The following CSMD1 variants were observed in gnomAD, a reference collection of about 807,000 sequenced individuals.
CSMD1 encodes CUB and sushi domain-containing protein 1.
A neutral mutation model predicts 417.5 loss-of-function variants in CSMD1; 213 were observed. That is an observed-to-expected ratio of 0.51 (90% CI 0.46 to 0.57). The LOEUF (loss-of-function observed/expected upper bound fraction) is 0.57. CSMD1 is among the 20% of genes least tolerant of loss of function. The pLI is 0.00. For missense variants in CSMD1, 6,923 were observed against 4,529.7 expected (o/e 1.53, Z -15.17); for synonymous variants, 2,862 against 1,736.8 (o/e 1.65, Z -16.11).
At chr8:3,030,273 A>G (rs1303439178) in intron 50 of CSMD1, among the ~76,000 whole-genome samples, 1 of 151,986 alleles carries the variant, frequency 6.6e-6, no homozygotes, top group Non-Finnish European at 1.5e-5. Flanking sequence ...TATTCTTTGA[A>G]AAGTGCAAGA....
chr8:3,028,563 G>C (rs572907308), intron 51 of CSMD1, among the ~76,000 whole-genome samples: 30 of 152,284 alleles, frequency 2.0e-4, no homozygotes, highest in African/African-American at 6.7e-4. Flanking sequence ...ATTTATCTTT[G>C]TGTTCCTGGT....
At chr8:4,291,757 A>G (rs1797380235) in intron 3 of CSMD1, among the ~76,000 whole-genome samples, 1 of 152,250 alleles carries the variant, frequency 6.6e-6, no homozygotes. Flanking sequence ...AAAGAATATT[A>G]GGCTAACTAG....
In CSMD1 at chr8:4,884,153, G is replaced by C. The variant is rs149527307; in HGVS notation, c.85+110179C>G. On this transcript the variant is annotated intron_variant, in intron 1 of 69. Transcript: ENST00000635120. ...GGATCAATGTCTATTCACACCTTTT[G>C]CTTCTTTTAAAAAATTTGGTTGCCT... Among the ~76,000 whole-genome samples, 294 of 151,948 alleles carry C rather than the reference G, an allele frequency of 1.9e-3. 6 individuals are homozygous for C. The East Asian group carries it at 0.046, about 24-fold the overall frequency.
intron 1 of CSMD1, among the ~76,000 whole-genome samples, chr8:4,655,981 G>C (rs1804204507): frequency 6.6e-6 from 1 of 151,974 alleles, no homozygotes; most frequent in African/African-American, 2.4e-5. Context: ...GCAGAGGGTT[G>C]GACAATAAAA....
chr8:4,299,342 G>T (rs1305726179), intron 3 of CSMD1, among the ~76,000 whole-genome samples: 2 of 152,070 alleles, frequency 1.3e-5, no homozygotes, highest in East Asian at 1.9e-4. Context: ...TCCAAGAGGG[G>T]GTTTTTACTT....
At chr8:4,770,683 A>C (rs1268714008) in intron 1 of CSMD1, among the ~76,000 whole-genome samples, 1 of 151,700 alleles carries the variant, frequency 6.6e-6, no homozygotes, top group Admixed American at 6.6e-5. Flanking sequence ...CTAATTTTCA[A>C]CAAGAGTACA....
At chr8:3,419,259 C>A (rs1203124629) in intron 12 of CSMD1, among the ~76,000 whole-genome samples, 2 of 152,192 alleles carry the variant, frequency 1.3e-5, no homozygotes, top group South Asian at 2.1e-4. Flanking sequence ...TCTGCACCAA[C>A]CAGATGCTCC....
At chr8:4,993,257 C>G (rs1035329322) in intron 1 of CSMD1, among the ~76,000 whole-genome samples, 4 of 152,034 alleles carry the variant, frequency 2.6e-5, no homozygotes, top group South Asian at 2.1e-4. Flanking sequence ...AAAGAAAAAC[C>G]CTTTGTAGAT....
rs536301418 is a variant in CSMD1, at chr8:3,510,387, C to A, written c.1345-16661G>T. On this transcript the variant is annotated intron_variant, in intron 10 of 69. Coordinates refer to ENST00000635120, the MANE Select transcript of CSMD1 (RefSeq NM_033225.6). ...AGAAAGCACATGGGTACTTGAAGTC[C>A]AAATGTCTTTTGAGCGCAGGCTCTG... Among the ~76,000 whole-genome samples the A allele has an allele frequency of 3.3e-5, 5 of 151,908 alleles. No individual in the cohort carries two copies. In the South Asian group the frequency reaches 6.2e-4, roughly 19 times the overall value.
At chr8:3,622,595 A>C (rs1487263268) in intron 7 of CSMD1, among the ~76,000 whole-genome samples, 1 of 152,242 alleles carries the variant, frequency 6.6e-6, no homozygotes, top group East Asian at 1.9e-4. Context: ...AATTCTGTGA[A>C]GGCGCAAAAT....
chr8:4,303,633 C>G (rs1264649128), intron 3 of CSMD1, among the ~76,000 whole-genome samples: 1 of 151,822 alleles, frequency 6.6e-6, no homozygotes, highest in Non-Finnish European at 1.5e-5. Flanking sequence ...CCAGAGGTGA[C>G]TGGGAAGTTT....
chr8:2,977,919 G>C (rs1245274812), intron 55 of CSMD1, among the ~76,000 whole-genome samples: 1 of 152,140 alleles, frequency 6.6e-6, no homozygotes, highest in Non-Finnish European at 1.5e-5. Flanking sequence ...AAAAAGTCAA[G>C]AAACAACAGA....
intron 23 of CSMD1, among the ~76,000 whole-genome samples, chr8:3,321,941 A>C (rs1806180201): frequency 6.6e-6 from 1 of 152,234 alleles, no homozygotes; most frequent in Non-Finnish European, 1.5e-5. Flanking sequence ...ATTATTTAGC[A>C]AACCTAAAAT....
chr8:3,967,688 C>G (rs1239476278), intron 5 of CSMD1, among the ~76,000 whole-genome samples: 1 of 152,008 alleles, frequency 6.6e-6, no homozygotes, highest in Non-Finnish European at 1.5e-5. Flanking sequence ...CTGGGGTGAG[C>G]TTCAAAGGGA....
chr8:2,969,641 C>G (rs1479989879), intron 57 of CSMD1, among the ~76,000 whole-genome samples: 1 of 152,132 alleles, frequency 6.6e-6, no homozygotes, highest in African/African-American at 2.4e-5. Context: ...GGGGATTAGT[C>G]AAGTCATAGC....
chr8:4,922,491 A>G (rs1192442681), intron 1 of CSMD1, among the ~76,000 whole-genome samples: 1 of 152,208 alleles, frequency 6.6e-6, no homozygotes, highest in Non-Finnish European at 1.5e-5. Flanking sequence ...TATTCTTCCT[A>G]CCTTAAAATT....
At chr8:4,394,488 A>G (rs1283492716) in intron 3 of CSMD1, among the ~76,000 whole-genome samples, 4 of 152,154 alleles carry the variant, frequency 2.6e-5, no homozygotes, top group African/African-American at 9.7e-5. Flanking sequence ...CCCTTCTGAA[A>G]TACCTCTGGG....
At chr8:4,915,112 T>TA (rs1344684657) in intron 1 of CSMD1, among the ~76,000 whole-genome samples, 1 of 152,184 alleles carries the variant, frequency 6.6e-6, no homozygotes, top group Non-Finnish European at 1.5e-5. Flanking sequence ...AGTCAAGTGT[T>TA]ACCAACTGTG....
At position 4,740,981 on chromosome 8, in the gene CSMD1, A is replaced by AT. The variant is rs1810564959; in HGVS notation, c.86-103424dup. Among the ~76,000 whole-genome samples the AT allele has an allele frequency of 2.0e-5, 3 of 152,334 alleles. No homozygotes were observed. The South Asian group carries it at 6.2e-4, about 32-fold the overall frequency. The stretch of plus-strand genomic sequence containing the variant: ...AACATAATTATTTCTTATAATAAAA[A>AT]TTAACAGGAAGACACATAAAAAATA... On this transcript the variant is annotated intron_variant, in intron 1 of 69. Coordinates refer to ENST00000635120, the MANE Select transcript of CSMD1 (RefSeq NM_033225.6).
Sources: allele counts gnomAD v4.1 joint callset (sites outside exome capture counted in the v4.1 genomes callset), GRCh38; gene constraint gnomAD v4.1.1; transcripts MANE v1.5; gene names NCBI Gene and HGNC (gene_info 2026-07-23, HGNC 2026-07-21).